Variants in RWDD3 observed in about 807,000 individuals in gnomAD.
The protein encoded by RWDD3 is RWD domain containing 3.
A neutral mutation model predicts 26.5 loss-of-function variants in RWDD3; 30 were observed. The ratio of observed to expected loss-of-function variants is 1.13; its 90% CI spans 0.85 to 1.54. The LOEUF (loss-of-function observed/expected upper bound fraction) is 1.54, where lower values mean the gene tolerates loss of function less well. Among genes scored for constraint, RWDD3 ranks in the 40% most tolerant of loss-of-function variants. The probability of loss-of-function intolerance (pLI) is 0.00; values close to 1 mark genes in which losing one functional copy is unlikely to be tolerated. For synonymous variants in RWDD3, 113 were observed against 114.5 expected, an observed-to-expected ratio of 0.99 and a Z score of 0.09; for missense variants, 296 against 309.1, an observed-to-expected ratio of 0.96 and a Z score of 0.32.
chr1:95,240,997 A>G (rs1317104007), intron 1 of RWDD3, among the ~76,000 whole-genome samples: 5 of 151,848 alleles, frequency 3.3e-5, no homozygotes, highest in African/African-American at 9.7e-5. Context: ...GCAGTGAGCC[A>G]TGATCACCCT....
At chr1:95,239,633 A>G in intron 1 of RWDD3, 1 of 629,094 alleles carries the variant, frequency 1.6e-6, no homozygotes, top group African/African-American at 1.9e-5. Context: ...ATTTACCAAG[A>G]CCAATTAGGA....
At position 95,246,999 on chromosome 1, in the gene RWDD3, A is replaced by G; in HGVS notation, c.*129A>G. ...GAAGCAAAATGATAGGCATCATTCT[A>G]ACTTCAGGAACAAAAGCCAGTTCTG... On this transcript the variant is annotated 3_prime_UTR_variant, in exon 4 of 4. Coordinates refer to ENST00000370202, the MANE Select transcript of RWDD3 (RefSeq NM_015485.5). 2.1e-6 allele frequency: 1 copy of G among 487,748 alleles called. No homozygotes were observed. The highest frequency in any genetic ancestry group is 3.6e-6 in the Non-Finnish European group (1 of 276,294). The allele number at this position is 487,748 out of a possible 1,614,324, so 30.2% of individuals were successfully genotyped here.
At chr1:95,244,747 A>G (rs1680781620) in intron 2 of RWDD3, 49 bp downstream of exon 2, 1 of 1,579,222 alleles carries the variant, frequency 6.3e-7, no homozygotes, top group Non-Finnish European at 8.6e-7. Context: ...TTTCTGCTTT[A>G]AATGGTGTGT....
intron 1 of RWDD3, among the ~76,000 whole-genome samples, chr1:95,235,990 C>G (rs1680336891): frequency 6.6e-6 from 1 of 152,150 alleles, no homozygotes; most frequent in African/African-American, 2.4e-5. Flanking sequence ...ATTGTAGCTA[C>G]CATTAAAATT....
chr1:95,246,599 T>A lies in RWDD3; in HGVS notation c.631T>A (p.Cys211Ser). Reference sequence around the variant, plus strand: ...AGATGTGGACTCAAGTGGAAAGAAATGCAAAGAGAAAATGATTAGTGTACT... The same window carrying A: ...AGATGTGGACTCAAGTGGAAAGAAAAGCAAAGAGAAAATGATTAGTGTACT... Reference protein sequence around the residue: ...KVDVDSSGKKCKEKMISVLFE... With the variant: ...KVDVDSSGKKSKEKMISVLFE... The change falls in exon 3 of 4, where the codon TGC becomes AGC. Residue 211 changes from cysteine to serine, a missense_variant. Coordinates refer to ENST00000370202, the MANE Select transcript of RWDD3 (RefSeq NM_015485.5). 6.2e-7 allele frequency: 1 copy of A among 1,612,932 alleles called. No homozygotes were observed. The highest frequency in any genetic ancestry group is 8.5e-7 in the Non-Finnish European group (1 of 1,179,316).
Position 95,240,900 on chromosome 1 carries a change from G to A in RWDD3, c.86-3311G>A, listed in dbSNP as rs144520441. On this transcript the variant is annotated intron_variant, in intron 1 of 3. Transcript: ENST00000370202. ...AGATTTTATGCCTAGGCTAGGTGTGGTGGCTTACACCTGTAATCCCAGCAC... is the reference window on the plus strand; with the variant it reads ...AGATTTTATGCCTAGGCTAGGTGTGATGGCTTACACCTGTAATCCCAGCAC... Among the ~76,000 whole-genome samples the A allele has an allele frequency of 5.7e-3, 865 of 152,088 alleles. 3 individuals carry two copies. The highest frequency in any genetic ancestry group is 0.019 in the South Asian group (92 of 4,820).
intron 1 of RWDD3, among the ~76,000 whole-genome samples, chr1:95,242,054 A>G (rs892902265): frequency 1.3e-5 from 2 of 151,408 alleles, no homozygotes; most frequent in Non-Finnish European, 2.9e-5. Context: ...ATGCACCACC[A>G]CCCCCCAGCC....
intron 1 of RWDD3, among the ~76,000 whole-genome samples, chr1:95,236,726 C>G (rs1223317352): frequency 6.6e-6 from 1 of 152,146 alleles, no homozygotes; most frequent in Admixed American, 6.5e-5. Flanking sequence ...CCTGAGGCAG[C>G]TATTTGAAGA....
chr1:95,236,615 ACTCACTT>A (rs1219136120), intron 1 of RWDD3, among the ~76,000 whole-genome samples: 1 of 152,132 alleles, frequency 6.6e-6, no homozygotes, highest in Non-Finnish European at 1.5e-5. Flanking sequence ...GAAGGGGTTT[ACTCACTT>A]TTAGTGTTTT....
intron 1 of RWDD3, chr1:95,237,237 C>G (rs1348711697): frequency 6.6e-6 from 1 of 151,808 alleles, no homozygotes; most frequent in Non-Finnish European, 1.5e-5. Flanking sequence ...AGTAAACATG[C>G]AGCAGACTGC....
At chr1:95,239,233 C>T (rs1680500816) in intron 1 of RWDD3, among the ~76,000 whole-genome samples, 1 of 152,092 alleles carries the variant, frequency 6.6e-6, no homozygotes, top group African/African-American at 2.4e-5. Flanking sequence ...AGATTTAGAG[C>T]ATAATTATTT....
intron 2 of RWDD3, chr1:95,246,005 A>G (rs986211418): frequency 2.6e-5 from 4 of 152,224 alleles, no homozygotes; most frequent in South Asian, 2.1e-4. Context: ...ATAAGATTGT[A>G]TACTAGGATT....
chr1:95,245,332 ATCT>A (rs1246170613), intron 2 of RWDD3, among the ~76,000 whole-genome samples: 1 of 152,186 alleles, frequency 6.6e-6, no homozygotes, highest in Non-Finnish European at 1.5e-5. Context: ...TTCTAAACTC[ATCT>A]GACCTGTTTT....
intron 1 of RWDD3, among the ~76,000 whole-genome samples, chr1:95,242,528 G>GT (rs1439060144): frequency 1.3e-5 from 2 of 152,204 alleles, no homozygotes. Flanking sequence ...GTTGTGTGTT[G>GT]TCTGCAGTTC....
At chr1:95,237,320 AG>A (rs1232194130) in intron 1 of RWDD3, 1 of 152,186 alleles carries the variant, frequency 6.6e-6, no homozygotes, top group Non-Finnish European at 1.5e-5. Context: ...TCTAAACACT[AG>A]TTCTTTTCTG....
At chr1:95,237,273 G>A (rs1680400228) in intron 1 of RWDD3, 1 of 152,056 alleles carries the variant, frequency 6.6e-6, no homozygotes, top group Non-Finnish European at 1.5e-5. Context: ...ATCACTGTCA[G>A]TTTGGGTTGG....
At chr1:95,241,604 T>C (rs755912424) in intron 1 of RWDD3, among the ~76,000 whole-genome samples, 1 of 152,186 alleles carries the variant, frequency 6.6e-6, no homozygotes, top group Non-Finnish European at 1.5e-5. Context: ...TGAACAAAGA[T>C]ATTAATGCCC....
chr1:95,244,240 A>C lies in RWDD3; in HGVS notation c.115A>C (p.Thr39Pro), dbSNP rs1370256697. 2.5e-6 allele frequency: 4 copies of C among 1,614,230 alleles called. No individual in the cohort carries two copies. In the South Asian group the frequency reaches 3.3e-5, roughly 13 times the overall value. ...ETDGTVFRIH[T>P]KAEGFMDVDI... is the part of the protein sequence containing the mutation. ...AGATGGGACCGTGTTCAGAATTCAC[A>C]CAAAAGCTGAAGGATTTATGGATGT... Residue 39 changes from threonine to proline, a missense_variant, in exon 2 of 4, where the codon ACA becomes CCA. Coordinates refer to ENST00000370202, the MANE Select transcript of RWDD3 (RefSeq NM_015485.5).
intron 1 of RWDD3, among the ~76,000 whole-genome samples, chr1:95,236,347 A>AAG (rs397799831): frequency 6.6e-6 from 1 of 151,264 alleles, no homozygotes; most frequent in African/African-American, 2.4e-5. Flanking sequence ...AAAAAAAAAA[A>AAG]GTAGTCTAAA....
Sources: allele counts gnomAD v4.1 joint callset (sites outside exome capture counted in the v4.1 genomes callset), GRCh38; gene constraint gnomAD v4.1.1; transcripts MANE v1.5; gene names NCBI Gene and HGNC (gene_info 2026-07-23, HGNC 2026-07-21).